Variants in PDE1C observed in about 807,000 individuals in gnomAD.
The protein encoded by PDE1C is dual specificity calcium/calmodulin-dependent 3',5'-cyclic nucleotide phosphodiesterase 1C.
Under a neutral mutation model 93.1 loss-of-function variants are expected in PDE1C, and 62 were observed. The observed-to-expected ratio is 0.67, with a 90% confidence interval of 0.54 to 0.82. PDE1C has a LOEUF of 0.82. Ranked by LOEUF, PDE1C falls within the 40% of genes least tolerant of loss-of-function variation. The pLI is 0.00. For missense variants in PDE1C, 742 were observed against 884.6 expected, an observed-to-expected ratio of 0.84 and a Z score of 2.04; for synonymous variants, 325 against 310.1, an observed-to-expected ratio of 1.05 and a Z score of -0.50.
intron 1 of PDE1C, among the ~76,000 whole-genome samples, chr7:32,293,268 A>G (rs1467938834): frequency 6.6e-6 from 1 of 152,200 alleles, no homozygotes; most frequent in Admixed American, 6.5e-5. Context: ...CCTAATGGGC[A>G]TGATAAATCT....
chr7:32,117,628 T>C (rs1039362528), intron 3 of PDE1C, among the ~76,000 whole-genome samples: 5 of 152,218 alleles, frequency 3.3e-5, no homozygotes, highest in African/African-American at 1.2e-4. Flanking sequence ...CATACCAGGA[T>C]CTACATTAAT....
chr7:31,725,018 G>T, the PDE1C span, among the ~76,000 whole-genome samples: 1 of 152,052 alleles, frequency 6.6e-6, no homozygotes, highest in Non-Finnish European at 1.5e-5. Flanking sequence ...TAAAACACAG[G>T]GCATATGGTA....
At chr7:32,248,984 T>C (rs2128874044) in intron 1 of PDE1C, among the ~76,000 whole-genome samples, 1 of 152,194 alleles carries the variant, frequency 6.6e-6, no homozygotes, top group East Asian at 1.9e-4. Flanking sequence ...GGCTGTCATG[T>C]AGAAGAGGGA....
In PDE1C at chr7:31,847,843, AAGAG is replaced by A. The variant is rs1278083544; in HGVS notation, c.980+121_980+124del. The A allele has an allele frequency of 4.0e-6, 4 of 993,408 alleles. No homozygotes were observed. The Admixed American group carries it at 7.1e-5, about 18-fold the overall frequency. The allele number at this position is 993,408 out of a possible 1,614,324, so 61.5% of individuals were successfully genotyped here. A position where few individuals can be genotyped will look rare whatever the true frequency, so the allele number is the denominator to read the frequency against. ...AGAGAGGGTGAGAGTGAGAGAAAGA[AAGAG>A]AGAGAAAGCAACACGAATCAACATT... On this transcript the variant is annotated intron_variant, in intron 9 of 17. Coordinates refer to ENST00000396191, the MANE Select transcript of PDE1C (RefSeq NM_001191057.4).
At chr7:32,071,029 G>A (rs1796001983), upstream of PDE1C, 1 of 985,388 alleles carries the variant, frequency 1.0e-6, no homozygotes, top group Non-Finnish European at 1.2e-6. Context: ...AAAGTCGTCT[G>A]TCAGCGCCCG....
chr7:31,795,271 G>T (rs1785146000), intron 16 of PDE1C, among the ~76,000 whole-genome samples: 1 of 151,924 alleles, frequency 6.6e-6, no homozygotes, highest in Non-Finnish European at 1.5e-5. Flanking sequence ...TAAATATAAT[G>T]TTAATAGAGT....
At chr7:31,919,175 C>T (rs1483237771) in intron 2 of PDE1C, among the ~76,000 whole-genome samples, 2 of 152,154 alleles carry the variant, frequency 1.3e-5, no homozygotes, top group Non-Finnish European at 2.9e-5. Context: ...GGTGCCAGGG[C>T]ATAACCCAAG....
At chr7:31,755,918 C>A (rs1039679089) in intron 17 of PDE1C, among the ~76,000 whole-genome samples, 2 of 152,156 alleles carry the variant, frequency 1.3e-5, no homozygotes, top group African/African-American at 4.8e-5. Flanking sequence ...GTAATCCCAG[C>A]ACTTTGGGAG....
intron 2 of PDE1C, among the ~76,000 whole-genome samples, chr7:32,178,878 G>C (rs1348245593): frequency 6.6e-6 from 1 of 152,204 alleles, no homozygotes; most frequent in Non-Finnish European, 1.5e-5. Flanking sequence ...CTCATCAAGA[G>C]AGCAGGGGCT....
At chr7:32,084,367 C>T (rs1265238461) in intron 3 of PDE1C, among the ~76,000 whole-genome samples, 3 of 149,992 alleles carry the variant, frequency 2.0e-5, no homozygotes, top group Admixed American at 6.6e-5. Flanking sequence ...CCTGAGTGAC[C>T]TACAAAGAGA....
chr7:31,880,955 T>G, intron 2 of PDE1C, 95 bp from the exon 3 acceptor site: 1 of 780,438 alleles, frequency 1.3e-6, no homozygotes, highest in South Asian at 1.5e-5. Context: ...TCGAATATTC[T>G]CACTTATTCT....
At chr7:32,086,172 C>A (rs1350438057) in intron 3 of PDE1C, among the ~76,000 whole-genome samples, 1 of 135,090 alleles carries the variant, frequency 7.4e-6, no homozygotes, top group Non-Finnish European at 1.6e-5. Flanking sequence ...GATATAAAAT[C>A]AATGTACAAA....
At chr7:31,621,136 G>T in the PDE1C span, among the ~76,000 whole-genome samples, 1 of 150,746 alleles carries the variant, frequency 6.6e-6, no homozygotes, top group African/African-American at 2.4e-5. Context: ...TCTGATTGGT[G>T]TACCTGAAAG....
chr7:31,921,283 T>C (rs570253781), intron 2 of PDE1C, among the ~76,000 whole-genome samples: 49 of 152,352 alleles, frequency 3.2e-4, no homozygotes, highest in Non-Finnish European at 6.6e-4. Context: ...ACAGGTCTCA[T>C]GCAGATTGTT....
chr7:32,036,398 C>T lies in PDE1C; in HGVS notation c.128+15156G>A, dbSNP rs190774417. Among the ~76,000 whole-genome samples, 3 of 152,210 alleles carry T rather than the reference C, an allele frequency of 2.0e-5. No homozygotes were observed. In the East Asian group the frequency reaches 5.8e-4, roughly 29 times the overall value. ...AGATGGAAGGTTTAAAATCAATGCC[C>T]TACGTTTCACCTTAAGAAGTTAGAA... is the stretch of plus-strand genomic sequence containing the variant. On this transcript the variant is annotated intron_variant, in intron 2 of 17. Coordinates refer to ENST00000396191, the MANE Select transcript of PDE1C (RefSeq NM_001191057.4).
intron 2 of PDE1C, among the ~76,000 whole-genome samples, chr7:31,945,402 GAA>G (rs1052917983): frequency 1.4e-4 from 22 of 152,202 alleles, no homozygotes; most frequent in African/African-American, 5.3e-4. Flanking sequence ...ATCTCTTGAA[GAA>G]AAAGTCTTCT....
At chr7:32,160,375 C>G (rs566317282) in intron 3 of PDE1C, among the ~76,000 whole-genome samples, 3 of 152,250 alleles carry the variant, frequency 2.0e-5, no homozygotes, top group Non-Finnish European at 4.4e-5. Flanking sequence ...GCAACATTTT[C>G]TCACACATCT....
rs961294764 is a variant in PDE1C at position 32,225,001 on chromosome 7, T to G, written c.86-15462A>C. On this transcript the variant is annotated intron_variant, in intron 1 of 18. Transcript: ENST00000396193. The stretch of plus-strand genomic sequence containing the variant: ...GGAACTTGGGCATCTGATTGGACCT[T>G]CAGGAATCACCTTTCTTATTTAAAA... Among the ~76,000 whole-genome samples, 45 of 148,992 alleles carry G rather than the reference T, an allele frequency of 3.0e-4. 1 individual carries two copies. The highest frequency in any genetic ancestry group is 1.1e-3 in the African/African-American group (45 of 40,810).
chr7:31,995,074 C>A (rs190120345), intron 2 of PDE1C, among the ~76,000 whole-genome samples: 1 of 152,318 alleles, frequency 6.6e-6, no homozygotes, highest in Admixed American at 6.5e-5. Context: ...GTCCTGGAGA[C>A]AAGCATCTTT....
Sources: gnomAD v4.1 joint callset for allele counts (sites outside exome capture counted in the v4.1 genomes callset) on GRCh38, gnomAD v4.1.1 for gene constraint, MANE v1.5 for transcripts, NCBI Gene and HGNC (gene_info 2026-07-23, HGNC 2026-07-21) for gene names.